Variants in PCDHGB2 observed in about 807,000 individuals in gnomAD.
The protein encoded by PCDHGB2 is protocadherin gamma subfamily B, 2, also known as protocadherin gamma-B2.
Under a neutral mutation model 59.3 loss-of-function variants are expected in PCDHGB2, and 55 were observed. That is an observed-to-expected ratio of 0.93 (90% CI 0.75 to 1.16). The LOEUF (loss-of-function observed/expected upper bound fraction) is 1.16. PCDHGB2 is among the 50% of genes most tolerant of loss of function. The pLI, the probability that PCDHGB2 is intolerant of heterozygous loss-of-function variation, is 0.00. For synonymous variants in PCDHGB2, 516 were observed against 512.0 expected, an observed-to-expected ratio of 1.01 and a Z score of -0.11; for missense variants, 1,228 against 1,198.5, an observed-to-expected ratio of 1.02 and a Z score of -0.36.
rs372827164 is a variant in PCDHGB2, at chr5:141,394,334, C to T, written c.2421+31778C>T. On this transcript the variant is annotated intron_variant, in intron 1 of 3. Coordinates refer to ENST00000522605, the MANE Select transcript of PCDHGB2 (RefSeq NM_018923.3). The stretch of plus-strand genomic sequence containing the variant: ...CGCCCCTGTCCTCGTATATCTCCAT[C>T]AACTCTGACACCGGTGTCCTGTATG... The T allele has an allele frequency of 1.2e-3, 1,991 of 1,614,118 alleles. 3 individuals carry two copies. The highest frequency in any genetic ancestry group is 1.6e-3 in the Non-Finnish European group (1,898 of 1,179,978).
At chr5:141,389,061 T>C in intron 1 of PCDHGB2, 1 of 1,614,022 alleles carries the variant, frequency 6.2e-7, no homozygotes, top group Non-Finnish European at 8.5e-7. Context: ...ATTTAAAATA[T>C]TAACTTCTTC....
intron 1 of PCDHGB2, chr5:141,427,240 C>G (rs1447231420): frequency 1.3e-5 from 6 of 456,536 alleles, no homozygotes; most frequent in Non-Finnish European, 2.6e-5. Context: ...AGAGTAGAAG[C>G]TAAGGATGGT....
At chr5:141,370,644 T>G in intron 1 of PCDHGB2, 1 of 1,613,920 alleles carries the variant, frequency 6.2e-7, no homozygotes, top group African/African-American at 1.3e-5. Flanking sequence ...AAATGGGAAC[T>G]TACTTGTGAG....
intron 1 of PCDHGB2, chr5:141,418,947 G>T (rs534744990): frequency 6.2e-7 from 1 of 1,614,022 alleles, no homozygotes; most frequent in African/African-American, 1.3e-5. Context: ...TCCCCTCCAG[G>T]AGTGGTTGTT....
In PCDHGB2 at chr5:141,385,085, A is replaced by G. The variant is rs753751562; in HGVS notation, c.2421+22529A>G. The G allele has an allele frequency of 1.1e-5, 18 of 1,614,014 alleles. No homozygotes were observed. In the Admixed American group the frequency reaches 3.0e-4, roughly 27 times the overall value. On this transcript the variant is annotated intron_variant, in intron 1 of 3. Transcript: ENST00000522605. ...AAGTCACGCCTGCTGCAGGCTTCAGAAGGTGGCTTGGCGAACGTGCCCACC... is the reference window on the plus strand; with the variant it reads ...AAGTCACGCCTGCTGCAGGCTTCAGGAGGTGGCTTGGCGAACGTGCCCACC...
At position 141,363,034 on chromosome 5, in the gene PCDHGB2, A is replaced by T. The variant is rs1762782534; in HGVS notation, c.2421+478A>T. On this transcript the variant is annotated intron_variant, in intron 1 of 3. Coordinates refer to ENST00000522605, the MANE Select transcript of PCDHGB2 (RefSeq NM_018923.3). ...GCATGGGTAGGACATTGTCCCATTG[A>T]CTTGAAGACCAACACTCAGTAAGCT... Among the ~76,000 whole-genome samples, 3 of 152,256 alleles carry T rather than the reference A, an allele frequency of 2.0e-5. No individual in the cohort carries two copies. In the South Asian group the frequency reaches 6.2e-4, roughly 31 times the overall value.
In PCDHGB2 at chr5:141,360,170, G is replaced by T. The variant is rs72790010; in HGVS notation, c.35G>T (p.Arg12Leu). 1.2e-6 allele frequency: 2 copies of T among 1,607,748 alleles called. No homozygotes were observed. The highest frequency in any genetic ancestry group is 1.7e-6 in the Non-Finnish European group (2 of 1,176,718). The change falls in exon 1 of 4, where the codon CGG becomes CTG. Residue 12 changes from arginine (R) to leucine (L), a missense_variant. Transcript: ENST00000522605. Reference sequence around the variant, plus strand: ...AGCTCAGGGAGGTGCGGGCTGGTGCGGTGGCTGCAGGTACTGTTGCCCTTC... The same window carrying T: ...AGCTCAGGGAGGTGCGGGCTGGTGCTGTGGCTGCAGGTACTGTTGCCCTTC... ...KASSGRCGLVRWLQVLLPFLL... is the reference protein window; with the variant it reads ...KASSGRCGLVLWLQVLLPFLL...
At position 141,473,311 on chromosome 5, in the gene PCDHGB2, A is replaced by G. The variant is rs139053997; in HGVS notation, c.2422-21496A>G. On this transcript the variant is annotated intron_variant, in intron 1 of 3. Coordinates refer to ENST00000522605, the MANE Select transcript of PCDHGB2 (RefSeq NM_018923.3). ...TCAGTAGCATAAAGATTGCTATATTAATAAGCATTAAGTGCCTGCTGTGCT... is the reference window on the plus strand; with the variant it reads ...TCAGTAGCATAAAGATTGCTATATTGATAAGCATTAAGTGCCTGCTGTGCT... Among the ~76,000 whole-genome samples, 1,321 of 152,342 alleles carry G rather than the reference A, an allele frequency of 8.7e-3. 28 individuals carry two copies. Among genetic ancestry groups the G allele is most frequent in the African/African-American group, 0.03 (1,236 of 41,582 alleles).
In PCDHGB2 at chr5:141,505,470, C is replaced by G; in HGVS notation, c.2558C>G (p.Ala853Gly). 6.2e-7 allele frequency: 1 copy of G among 1,614,186 alleles called. No individual in the cohort carries two copies. Among genetic ancestry groups the G allele is most frequent in the Non-Finnish European group, 8.5e-7 (1 of 1,180,002 alleles). Residue 853 changes from alanine to glycine, a missense_variant, in exon 3 of 4, where the codon GCG (alanine) becomes GGG (glycine). Ala to Gly is a moderately conservative substitution (Grantham distance 60). Transcript: ENST00000522605. ...GAGATGCTGCAAGCCATGATCTTGG[C>G]GTCCGCCAGTGGTAAGTGGTGTCAG... The part of the protein sequence containing the change: ...DTEMLQAMIL[A>G]SASEAADGSS...
At position 141,384,907 on chromosome 5, in the gene PCDHGB2, G is replaced by A. The variant is rs753215361; in HGVS notation, c.2421+22351G>A. 1.5e-5 allele frequency: 24 copies of A among 1,613,952 alleles called. No homozygotes were observed. The South Asian group carries it at 2.3e-4, about 16-fold the overall frequency. ...CGTGGCTGTGGCTGACAGCATCCCCGAAGTCTTGGCCGACCTGGGCAGCCT... is the reference window on the plus strand; with the variant it reads ...CGTGGCTGTGGCTGACAGCATCCCCAAAGTCTTGGCCGACCTGGGCAGCCT... On this transcript the variant is annotated intron_variant, in intron 1 of 3. Transcript: ENST00000522605.
chr5:141,366,249 A>G (rs1307246069), intron 1 of PCDHGB2: 1 of 1,613,634 alleles, frequency 6.2e-7, no homozygotes, highest in Non-Finnish European at 8.5e-7. Context: ...GCGCTCAAGC[A>G]GAGCCTCGTG....
Position 141,511,250 on chromosome 5 carries a change from CAG to C in PCDHGB2, c.*80_*81del. 2 of 1,571,674 alleles carry C rather than the reference CAG, an allele frequency of 1.3e-6. No homozygotes were observed. Among genetic ancestry groups the C allele is most frequent in the Non-Finnish European group, 1.7e-6 (2 of 1,158,794 alleles). On this transcript the variant is annotated 3_prime_UTR_variant, in exon 4 of 4. Transcript: ENST00000522605. ...CTTCTCCTTACCTGCACCCAGGCCT[CAG>C]AGTTTCAGGGCTAACCCCCAGAATA...
intron 1 of PCDHGB2, among the ~76,000 whole-genome samples, chr5:141,386,767 T>A (rs749741311): frequency 5.3e-5 from 8 of 152,202 alleles, no homozygotes; most frequent in Non-Finnish European, 1.0e-4. Flanking sequence ...TTATAAGGTA[T>A]TTTGTAAAAG....
Position 141,507,906 on chromosome 5 carries a change from G to A in PCDHGB2, c.2569+2425G>A, listed in dbSNP as rs2099864753. ...AGAGAGGTTCCTGAAGTCCAGCCCA[G>A]CCAGGCCTGTGGGGCTGCTGAGAGG... On this transcript the variant is annotated intron_variant, in intron 3 of 3. Coordinates refer to ENST00000522605, the MANE Select transcript of PCDHGB2 (RefSeq NM_018923.3). Among the ~76,000 whole-genome samples, 4 of 152,216 alleles carry A rather than the reference G, an allele frequency of 2.6e-5. No homozygotes were observed. The South Asian group carries it at 8.3e-4, about 32-fold the overall frequency.
At chr5:141,400,629 C>A (rs1416723451) in intron 1 of PCDHGB2, 1 of 1,389,786 alleles carries the variant, frequency 7.2e-7, no homozygotes, top group African/African-American at 1.4e-5. Context: ...TTAGGGAAGT[C>A]AGAGCTGCTC....
intron 1 of PCDHGB2, among the ~76,000 whole-genome samples, chr5:141,488,675 T>C (rs888235928): frequency 2.6e-5 from 4 of 152,116 alleles, no homozygotes; most frequent in Admixed American, 1.3e-4. Flanking sequence ...TACATGGGCT[T>C]TGCCTCTCCC....
At chr5:141,482,901 A>G (rs192886570) in intron 1 of PCDHGB2, among the ~76,000 whole-genome samples, 1 of 152,122 alleles carries the variant, frequency 6.6e-6, no homozygotes, top group Admixed American at 6.6e-5. Context: ...GTGAAACCTC[A>G]TCTCTATTAA....
In PCDHGB2 at chr5:141,362,105, C is replaced by T. The variant is rs772642653; in HGVS notation, c.1970C>T (p.Thr657Met). The change falls in exon 1 of 4, where the codon ACG (threonine) becomes ATG (methionine). Residue 657 changes from threonine to methionine, a missense_variant. Coordinates refer to ENST00000522605, the MANE Select transcript of PCDHGB2 (RefSeq NM_018923.3). ...RDGGQPPLSA[T>M]ATLHLIFADS... is the part of the protein sequence containing the mutation. ...GGAGGACAGCCGCCACTCTCCGCTA[C>T]GGCCACGCTGCACCTAATCTTCGCG... 1.1e-5 allele frequency: 18 copies of T among 1,613,930 alleles called. No homozygotes were observed. The highest frequency in any genetic ancestry group is 8.3e-5 in the Admixed American group (5 of 60,034).
rs752730619 is a variant in PCDHGB2, at chr5:141,374,101, G to T, written c.2421+11545G>T. On this transcript the variant is annotated intron_variant, in intron 1 of 3. Coordinates refer to ENST00000522605, the MANE Select transcript of PCDHGB2 (RefSeq NM_018923.3). Reference sequence around the variant, plus strand: ...AGCCAGTAATGGCGCCTCCGCAGAGGCATCCGCAGCGCAGCGAGCAGGTCC... The same window carrying T: ...AGCCAGTAATGGCGCCTCCGCAGAGTCATCCGCAGCGCAGCGAGCAGGTCC... 2 of 1,565,390 alleles carry T rather than the reference G, an allele frequency of 1.3e-6. No individual in the cohort carries two copies. The highest frequency in any genetic ancestry group is 1.7e-6 in the Non-Finnish European group (2 of 1,154,124).
Sources: allele counts gnomAD v4.1 joint callset (sites outside exome capture counted in the v4.1 genomes callset), GRCh38; gene constraint gnomAD v4.1.1; transcripts MANE v1.5; gene names NCBI Gene and HGNC (gene_info 2026-07-23, HGNC 2026-07-21).